The following FRMD3 variants were observed in gnomAD, a reference collection of about 807,000 sequenced individuals.
The protein encoded by FRMD3 is FERM domain containing 3, also known as FERM domain-containing protein 3.
Under a neutral mutation model 70.2 loss-of-function variants are expected in FRMD3, and 33 were observed. That is an observed-to-expected ratio of 0.47 (90% CI 0.36 to 0.63). FRMD3 has a LOEUF of 0.63. Among genes scored for constraint, FRMD3 ranks in the 20% least tolerant of loss-of-function variants. The pLI, the probability that FRMD3 is intolerant of heterozygous loss-of-function variation, is 0.00. For missense variants in FRMD3, 632 were observed against 711.4 expected (o/e 0.89, Z 1.27); for synonymous variants, 279 against 255.9 (o/e 1.09, Z -0.86).
At chr9:83,271,756 T>C (rs1261562958) in intron 13 of FRMD3, among the ~76,000 whole-genome samples, 1 of 152,164 alleles carries the variant, frequency 6.6e-6, no homozygotes. Flanking sequence ...AGATAACTGC[T>C]CTCTGGGGCC....
At chr9:83,558,325 A>G in the FRMD3 span, among the ~76,000 whole-genome samples, 1 of 152,290 alleles carries the variant, frequency 6.6e-6, no homozygotes, top group South Asian at 2.1e-4. Context: ...TGTGTGAATT[A>G]ACAATCCTTT....
chr9:83,287,367 G>T (rs1834260163), intron 13 of FRMD3, among the ~76,000 whole-genome samples: 1 of 152,160 alleles, frequency 6.6e-6, no homozygotes, highest in Non-Finnish European at 1.5e-5. Flanking sequence ...TAGCTCAAGA[G>T]GTCAGTGGCT....
At chr9:83,323,884 A>G (rs1048366665) in intron 6 of FRMD3, among the ~76,000 whole-genome samples, 10 of 152,234 alleles carry the variant, frequency 6.6e-5, no homozygotes, top group African/African-American at 2.4e-4. Context: ...GAGCAACCTA[A>G]CTGCCATTTC....
At chr9:83,251,743 T>C (rs1010035226) in intron 13 of FRMD3, among the ~76,000 whole-genome samples, 1 of 152,156 alleles carries the variant, frequency 6.6e-6, no homozygotes, top group Non-Finnish European at 1.5e-5. Flanking sequence ...AGTAGCAGAA[T>C]AGACCAAGTT....
chr9:83,428,794 A>T (rs1202986330), intron 1 of FRMD3, among the ~76,000 whole-genome samples: 3 of 152,196 alleles, frequency 2.0e-5, no homozygotes, highest in Non-Finnish European at 2.9e-5. Flanking sequence ...TTAACTCCAA[A>T]GCCCAAGTTC....
At chr9:83,430,613 CT>C (rs1195886173) in intron 1 of FRMD3, among the ~76,000 whole-genome samples, 3 of 151,910 alleles carry the variant, frequency 2.0e-5, no homozygotes, top group East Asian at 3.9e-4. Flanking sequence ...AAATGGCTTG[CT>C]TTTTTTTAAG....
At chr9:83,442,254 C>CTTTTT (rs57472225) in intron 1 of FRMD3, among the ~76,000 whole-genome samples, 1 of 121,548 alleles carries the variant, frequency 8.2e-6, no homozygotes. Flanking sequence ...TTATACAGAT[C>CTTTTT]TTTTTTTTTT....
chr9:83,451,644 A>G (rs1259140809), intron 1 of FRMD3, among the ~76,000 whole-genome samples: 1 of 152,192 alleles, frequency 6.6e-6, no homozygotes, highest in Non-Finnish European at 1.5e-5. Flanking sequence ...AGGTATGACC[A>G]GGCAAGAAAG....
At chr9:83,302,523 A>G (rs1211365031) in intron 10 of FRMD3, among the ~76,000 whole-genome samples, 1 of 152,126 alleles carries the variant, frequency 6.6e-6, no homozygotes, top group Non-Finnish European at 1.5e-5. Context: ...TACTCTCAGG[A>G]GGGTTACACA....
chr9:83,334,624 AT>A (rs5898824), intron 6 of FRMD3, among the ~76,000 whole-genome samples: 36,920 of 151,518 alleles, frequency 0.24, 4,722 homozygotes, highest in Admixed American at 0.31. Context: ...TACCAAAATG[AT>A]TTTTTTTTCT....
At chr9:83,413,587 G>A (rs1826340821) in intron 1 of FRMD3, among the ~76,000 whole-genome samples, 1 of 152,180 alleles carries the variant, frequency 6.6e-6, no homozygotes, top group Non-Finnish European at 1.5e-5. Flanking sequence ...GAATCCAACT[G>A]TGAAAATTAC....
intron 13 of FRMD3, chr9:83,266,917 A>T: frequency 3.0e-6 from 4 of 1,325,046 alleles, no homozygotes; most frequent in Non-Finnish European, 4.1e-6. Flanking sequence ...TCTGACACCA[A>T]ATTCACCCTG....
chr9:83,417,298 T>C (rs948949948), intron 1 of FRMD3, among the ~76,000 whole-genome samples: 1 of 152,186 alleles, frequency 6.6e-6, no homozygotes, highest in African/African-American at 2.4e-5. Context: ...AATAAAACAG[T>C]AAACAAAATA....
intron 3 of FRMD3, among the ~76,000 whole-genome samples, chr9:83,359,494 T>G (rs1045418428): frequency 6.6e-6 from 1 of 152,164 alleles, no homozygotes; most frequent in African/African-American, 2.4e-5. Context: ...GGCATCAAAC[T>G]TTCTCTGTAA....
At chr9:83,359,585 G>A (rs1467373217) in intron 3 of FRMD3, among the ~76,000 whole-genome samples, 1 of 152,178 alleles carries the variant, frequency 6.6e-6, no homozygotes, top group Non-Finnish European at 1.5e-5. Flanking sequence ...TTGTAGTAGA[G>A]AAGCAGCCAC....
At chr9:83,311,836 G>C (rs981278519) in intron 8 of FRMD3, 51 bp downstream of exon 8, 5 of 1,275,876 alleles carry the variant, frequency 3.9e-6, no homozygotes, top group Non-Finnish European at 5.7e-6. Flanking sequence ...AGGGGACGGA[G>C]GAATCAAGAT....
At chr9:83,357,626 T>A (rs1824444940) in intron 3 of FRMD3, among the ~76,000 whole-genome samples, 1 of 152,132 alleles carries the variant, frequency 6.6e-6, no homozygotes, top group African/African-American at 2.4e-5. Flanking sequence ...ATTCTTGCAG[T>A]AGTAACGTAT....
intron 2 of FRMD3, among the ~76,000 whole-genome samples, chr9:83,388,431 G>A (rs1419974430): frequency 6.6e-6 from 1 of 152,160 alleles, no homozygotes; most frequent in Non-Finnish European, 1.5e-5. Flanking sequence ...ACACTATCCT[G>A]CTAGTAAGAA....
chr9:83,406,721 T>C (rs965583375), intron 1 of FRMD3, among the ~76,000 whole-genome samples: 4 of 152,216 alleles, frequency 2.6e-5, no homozygotes, highest in African/African-American at 9.6e-5. Flanking sequence ...CGGGTCCTTA[T>C]TTGGTGGTCA....
Sources: allele counts gnomAD v4.1 joint callset (sites outside exome capture counted in the v4.1 genomes callset), GRCh38; gene constraint gnomAD v4.1.1; transcripts MANE v1.5; gene names NCBI Gene and HGNC (gene_info 2026-07-23, HGNC 2026-07-21).